The following SSBP2 variants were observed in gnomAD, a reference collection of about 807,000 sequenced individuals.
The protein encoded by SSBP2 is single stranded DNA binding protein 2, also known as single-stranded DNA-binding protein 2.
Under a neutral mutation model 61.8 loss-of-function variants are expected in SSBP2, and 17 were observed. The observed-to-expected ratio is 0.28, with a 90% CI of 0.19 to 0.41. SSBP2 has a LOEUF of 0.41. Among genes scored for constraint, SSBP2 ranks in the 10% least tolerant of loss-of-function variants. The probability of loss-of-function intolerance (pLI) is 1.00; values close to 1 mark genes in which losing one functional copy is unlikely to be tolerated. For missense variants in SSBP2, 310 were observed against 458.7 expected, an observed-to-expected ratio of 0.68 and a Z score of 2.96; for synonymous variants, 139 against 141.3, an observed-to-expected ratio of 0.98 and a Z score of 0.12.
intron 7 of SSBP2, 120 bp downstream of exon 7, chr5:81,474,376 A>T: frequency 2.4e-6 from 2 of 819,794 alleles, no homozygotes; most frequent in Non-Finnish European, 2.0e-6. Context: ...TGTTACTTAG[A>T]AAAATGCAAC....
intron 2 of SSBP2, among the ~76,000 whole-genome samples, chr5:81,643,472 AT>A (rs1311955464): frequency 1.2e-4 from 18 of 152,252 alleles, no homozygotes; most frequent in African/African-American, 4.1e-4. Context: ...GAGACTTCTA[AT>A]TTAGACATAA....
chr5:81,509,828 T>C (rs1300993368), intron 5 of SSBP2, among the ~76,000 whole-genome samples: 1 of 152,152 alleles, frequency 6.6e-6, no homozygotes, highest in Admixed American at 6.5e-5. Context: ...AAAGTAGAAA[T>C]CTCAGAATCA....
intron 16 of SSBP2, among the ~76,000 whole-genome samples, chr5:81,422,775 G>A (rs1449778484): frequency 1.3e-5 from 2 of 152,204 alleles, no homozygotes; most frequent in Non-Finnish European, 2.9e-5. Flanking sequence ...AAAACCTCCA[G>A]TCATAGACAA....
rs1028139593 is a variant in SSBP2 at position 81,417,755 on chromosome 5, C to T, written c.*2749G>A. 2.0e-5 allele frequency: 3 copies of T among 152,060 alleles called. No homozygotes were observed. Among genetic ancestry groups the T allele is most frequent in the Non-Finnish European group, 4.4e-5 (3 of 67,990 alleles). The allele number at this position is 152,060 out of a possible 1,614,324, so 9.4% of individuals were successfully genotyped here. On this transcript the variant is annotated 3_prime_UTR_variant, in exon 17 of 17. Coordinates refer to ENST00000320672, the MANE Select transcript of SSBP2 (RefSeq NM_012446.5). The stretch of plus-strand genomic sequence containing the variant: ...TCAAGTATCCTTACATTCTGGGTTT[C>T]TTGGATACAATTTTCTCCTCAAAAA...
chr5:81,427,831 T>C (rs1034090076), intron 16 of SSBP2, among the ~76,000 whole-genome samples: 8 of 152,206 alleles, frequency 5.3e-5, no homozygotes, highest in Non-Finnish European at 1.5e-5. Flanking sequence ...GCTCCACTCC[T>C]GGAAATTCTG....
intron 4 of SSBP2, among the ~76,000 whole-genome samples, chr5:81,609,338 C>T (rs34931015): frequency 0.026 from 4,033 of 152,268 alleles, 87 homozygotes; most frequent in Non-Finnish European, 0.041. Context: ...ACACCTTCCC[C>T]AGCACTTGTC....
intron 1 of SSBP2, among the ~76,000 whole-genome samples, chr5:81,742,306 T>C (rs1258687935): frequency 6.6e-6 from 1 of 152,158 alleles, no homozygotes; most frequent in Non-Finnish European, 1.5e-5. Flanking sequence ...AAAGAAAGAA[T>C]ACTAAATGCC....
At chr5:81,510,943 A>G (rs952912918) in intron 5 of SSBP2, among the ~76,000 whole-genome samples, 5 of 152,028 alleles carry the variant, frequency 3.3e-5, no homozygotes, top group Admixed American at 3.3e-4. Context: ...TGCCTTTAGG[A>G]TCAAGTTCAA....
intron 8 of SSBP2, among the ~76,000 whole-genome samples, chr5:81,467,273 G>A (rs926653531): frequency 9.2e-5 from 14 of 151,928 alleles, no homozygotes; most frequent in Non-Finnish European, 1.5e-4. Flanking sequence ...ACTGGAGCAC[G>A]TTAAATGATT....
At chr5:81,534,797 G>C (rs999239039) in intron 4 of SSBP2, among the ~76,000 whole-genome samples, 1 of 152,038 alleles carries the variant, frequency 6.6e-6, no homozygotes, top group Non-Finnish European at 1.5e-5. Context: ...TAATGACTGA[G>C]AATTTCTCCA....
rs943423348 is a variant in SSBP2, at chr5:81,538,653, C to T, written c.283-24936G>A. 2.6e-5 allele frequency among the ~76,000 whole-genome samples: 4 copies of T among 152,200 alleles called. No homozygotes were observed. In the East Asian group the frequency reaches 5.8e-4, roughly 22 times the overall value. Reference sequence around the variant, plus strand: ...CTGGTTCTCTTGTTAGCAGCTAATGCAGTTGGGGGCTTTAAGCTGAAGCCA... The same window carrying T: ...CTGGTTCTCTTGTTAGCAGCTAATGTAGTTGGGGGCTTTAAGCTGAAGCCA... On this transcript the variant is annotated intron_variant, in intron 4 of 16. Transcript: ENST00000320672.
At chr5:81,698,433 C>T (rs1036973946) in intron 1 of SSBP2, among the ~76,000 whole-genome samples, 1 of 152,100 alleles carries the variant, frequency 6.6e-6, no homozygotes, top group Non-Finnish European at 1.5e-5. Flanking sequence ...AAAAGTTATC[C>T]TATTTTTAAC....
At chr5:81,543,039 G>C (rs369076825) in intron 4 of SSBP2, among the ~76,000 whole-genome samples, 2 of 152,132 alleles carry the variant, frequency 1.3e-5, no homozygotes, top group East Asian at 3.9e-4. Context: ...ATTTTTAGTA[G>C]AGACGGGGTT....
intron 4 of SSBP2, among the ~76,000 whole-genome samples, chr5:81,552,315 T>C (rs2154130718): frequency 6.6e-6 from 1 of 152,224 alleles, no homozygotes; most frequent in South Asian, 2.1e-4. Context: ...CATCGGAAAC[T>C]GTATTAAGAA....
chr5:81,691,782 T>C (rs568528435), intron 1 of SSBP2, among the ~76,000 whole-genome samples: 2 of 152,134 alleles, frequency 1.3e-5, no homozygotes, highest in East Asian at 3.9e-4. Context: ...CAAGCCAATA[T>C]CCCTAATGAA....
chr5:81,548,790 T>G (rs1308733738), intron 4 of SSBP2, among the ~76,000 whole-genome samples: 6 of 152,038 alleles, frequency 3.9e-5, no homozygotes. Context: ...GGTGTGGTGG[T>G]GGGCACCTGT....
At chr5:81,497,104 C>T (rs1179784861) in intron 5 of SSBP2, among the ~76,000 whole-genome samples, 2 of 152,168 alleles carry the variant, frequency 1.3e-5, no homozygotes, top group Non-Finnish European at 2.9e-5. Flanking sequence ...AGAAATGTAA[C>T]AACTGAAATA....
intron 4 of SSBP2, among the ~76,000 whole-genome samples, chr5:81,554,210 G>A (rs890375009): frequency 2.6e-5 from 4 of 151,994 alleles, no homozygotes; most frequent in African/African-American, 9.7e-5. Context: ...CCAACAATGT[G>A]TAGACTTTTT....
intron 1 of SSBP2, among the ~76,000 whole-genome samples, chr5:81,716,330 T>C (rs1452154100): frequency 2.0e-5 from 3 of 152,204 alleles, no homozygotes; most frequent in Non-Finnish European, 4.4e-5. Flanking sequence ...ACTGGTACTC[T>C]TTAAACAATG....
Sources: gnomAD v4.1 joint callset for allele counts (sites outside exome capture counted in the v4.1 genomes callset) on GRCh38, gnomAD v4.1.1 for gene constraint, MANE v1.5 for transcripts, NCBI Gene and HGNC (gene_info 2026-07-23, HGNC 2026-07-21) for gene names.